Variants in DAP3 observed in about 807,000 individuals in gnomAD.
DAP3 encodes small ribosomal subunit protein mS29.
A neutral mutation model predicts 51.9 loss-of-function variants in DAP3; 28 were observed. That is an observed-to-expected ratio of 0.54 (90% CI 0.40 to 0.74). The LOEUF (loss-of-function observed/expected upper bound fraction) is 0.74. Among genes scored for constraint, DAP3 ranks in the 30% least tolerant of loss-of-function variants. The probability of loss-of-function intolerance (pLI) is 0.00; values close to 1 mark genes in which losing one functional copy is unlikely to be tolerated. For missense variants in DAP3, 458 were observed against 483.5 expected, an observed-to-expected ratio of 0.95 and a Z score of 0.49; for synonymous variants, 170 against 170.3, an observed-to-expected ratio of 1.00 and a Z score of 0.01.
At chr1:155,716,114 A>G (rs1271281976) in intron 2 of DAP3, among the ~76,000 whole-genome samples, 1 of 152,224 alleles carries the variant, frequency 6.6e-6, no homozygotes, top group African/African-American at 2.4e-5. Context: ...TGGCTATGCT[A>G]TGTATGCTCC....
In DAP3 at chr1:155,717,147, T is replaced by C. The variant is rs766962516; in HGVS notation, c.168+19T>C. ...TGACCCGGTGAGTTACTAATATGTA[T>C]ATGGGGTTTCTCAGGGCTTATGATT... On this transcript the variant is annotated intron_variant, in intron 3 of 12. Coordinates refer to ENST00000368336, the MANE Select transcript of DAP3 (RefSeq NM_004632.4). 3 of 1,607,966 alleles carry C rather than the reference T, an allele frequency of 1.9e-6. No individual in the cohort carries two copies. The highest frequency in any genetic ancestry group is 2.5e-6 in the Non-Finnish European group (3 of 1,177,678).
chr1:155,724,344 A>G (rs2149181148), intron 4 of DAP3, among the ~76,000 whole-genome samples: 1 of 152,284 alleles, frequency 6.6e-6, no homozygotes, highest in East Asian at 1.9e-4. Flanking sequence ...AGTAATAAAA[A>G]TAAATTTTAG....
chr1:155,731,482 A>G (rs1650923196), intron 10 of DAP3, 67 bp downstream of exon 10: 3 of 1,490,802 alleles, frequency 2.0e-6, no homozygotes, highest in Non-Finnish European at 2.8e-6. Flanking sequence ...ATGTTCTACT[A>G]TTTCATTGCT....
At chr1:155,689,398 A>G (rs1653338112) in intron 1 of DAP3, 1 of 484,586 alleles carries the variant, frequency 2.1e-6, no homozygotes, top group Non-Finnish European at 4.1e-6. Context: ...ACCACTGTCC[A>G]TATGCGATGA....
rs1659869868 is a variant in DAP3, at chr1:155,736,973, A to C, written c.1021A>C (p.Ile341Leu). 1 of 1,614,064 alleles carries C rather than the reference A, an allele frequency of 6.2e-7. No homozygotes were observed. Among genetic ancestry groups the C allele is most frequent in the East Asian group, 2.2e-5 (1 of 44,868 alleles). The change falls in exon 12 of 13, where the codon ATT (isoleucine) becomes CTT (leucine). Residue 341 changes from isoleucine (I) to leucine (L), a missense_variant. Transcript: ENST00000368336. ...AGGATTTGATGCCCTGGATCCCTTT[A>C]TTCCCATCCTGGTTTCCAACTATAA... is the stretch of plus-strand genomic sequence containing the variant. ...KEGFDALDPF[I>L]PILVSNYNPK...
At chr1:155,688,297 C>T, upstream of DAP3, 3 of 1,570,586 alleles carry the variant, frequency 1.9e-6, no homozygotes, top group Non-Finnish European at 2.6e-6. Flanking sequence ...GGATCGTTTC[C>T]CCTCGCAAAG....
intron 1 of DAP3, among the ~76,000 whole-genome samples, chr1:155,709,458 CCTGA>C (rs1249274844): frequency 2.6e-5 from 4 of 152,108 alleles, no homozygotes; most frequent in Admixed American, 2.6e-4. Flanking sequence ...CTGTGTCCCG[CCTGA>C]CTTTTTTATT....
intron 7 of DAP3, 100 bp downstream of exon 7, chr1:155,727,838 A>G (rs1658780455): frequency 7.6e-7 from 1 of 1,311,532 alleles, no homozygotes; most frequent in South Asian, 1.9e-5. Context: ...TGGAGTTGGA[A>G]TAACTGTATC....
Position 155,725,494 on chromosome 1 carries a change from T to A in DAP3, c.379+4T>A. 1 of 1,611,476 alleles carries A rather than the reference T, an allele frequency of 6.2e-7. No individual in the cohort carries two copies. Among genetic ancestry groups the A allele is most frequent in the African/African-American group, 1.3e-5 (1 of 74,994 alleles). Reference sequence around the variant, plus strand: ...CCAGCTATACGATATCTTCTGTGTATCCTTTCCTGCCTGCGTGGACCCTCA... The same window carrying A: ...CCAGCTATACGATATCTTCTGTGTAACCTTTCCTGCCTGCGTGGACCCTCA... On this transcript the variant is annotated splice_donor_region_variant and intron_variant, in intron 5 of 12. Coordinates refer to ENST00000368336, the MANE Select transcript of DAP3 (RefSeq NM_004632.4).
At chr1:155,688,193 G>C (rs1301108452), upstream of DAP3, 15 of 1,613,910 alleles carry the variant, frequency 9.3e-6, no homozygotes, top group Admixed American at 1.7e-5. Context: ...CGGCCAGCGG[G>C]TAAGCCGACT....
At position 155,710,183 on chromosome 1, in the gene DAP3, T is replaced by A. The variant is rs182681304; in HGVS notation, c.45+359T>A. The A allele has an allele frequency of 3.9e-3, 683 of 175,500 alleles. 1 individual carries two copies. The highest frequency in any genetic ancestry group is 7.0e-3 in the Non-Finnish European group (588 of 83,774). 10.9% of individuals were successfully genotyped at this position (175,500 alleles called of 1,614,324 possible). ...TTGTACATGAAAAAGACCATTCTGC[T>A]GGTTTACTTCATTTTTTCACATATT... On this transcript the variant is annotated intron_variant, in intron 2 of 12. Transcript: ENST00000368336.
At chr1:155,695,341 A>G (rs1654372414) in intron 1 of DAP3, among the ~76,000 whole-genome samples, 1 of 152,236 alleles carries the variant, frequency 6.6e-6, no homozygotes, top group Non-Finnish European at 1.5e-5. Context: ...GGTTAACACC[A>G]GTTCCTTGAT....
chr1:155,693,120 C>T (rs1350884594), intron 1 of DAP3, among the ~76,000 whole-genome samples: 1 of 141,494 alleles, frequency 7.1e-6, no homozygotes, highest in Non-Finnish European at 1.5e-5. Flanking sequence ...TGAGGGAAAC[C>T]GGTATCTAAA....
intron 4 of DAP3, chr1:155,722,089 CG>C (rs778005135): frequency 8.1e-5 from 14 of 172,338 alleles, no homozygotes; most frequent in Non-Finnish European, 1.8e-4. Flanking sequence ...TGGTTTATTT[CG>C]GGAAATTAGA....
chr1:155,689,711 A>G (rs1653424456), intron 1 of DAP3: 3 of 290,446 alleles, frequency 1.0e-5, no homozygotes. Context: ...GAAGAGATCG[A>G]GACAATCCTG....
chr1:155,709,774 G>A lies in DAP3; in HGVS notation c.-6G>A. ...TCACTTTTTTTTTTTTTGTAACAGT[G>A]CAAGGATGATGCTGAAAGGAATAAC... is the stretch of plus-strand genomic sequence containing the variant. On this transcript the variant is annotated splice_region_variant and 5_prime_UTR_variant, in exon 2 of 13. Transcript: ENST00000368336. 2 of 1,607,746 alleles carry A rather than the reference G, an allele frequency of 1.2e-6. No homozygotes were observed. The highest frequency in any genetic ancestry group is 1.7e-6 in the Non-Finnish European group (2 of 1,178,408).
chr1:155,717,653 G>A (rs1657489330), intron 3 of DAP3, among the ~76,000 whole-genome samples: 1 of 152,178 alleles, frequency 6.6e-6, no homozygotes, highest in Non-Finnish European at 1.5e-5. Context: ...GGTATGGAGA[G>A]TACTAAAGAA....
At chr1:155,689,683 G>A (rs1653416652) in intron 1 of DAP3, 5 of 325,006 alleles carry the variant, frequency 1.5e-5, no homozygotes, top group South Asian at 9.6e-5. Flanking sequence ...GGAGGCCGAG[G>A]CAGGTGGATG....
intron 6 of DAP3, 180 bp downstream of exon 6, chr1:155,726,199 C>T (rs1183225107): frequency 1.4e-5 from 6 of 433,388 alleles, no homozygotes; most frequent in South Asian, 6.7e-5. Flanking sequence ...CCGCAACCTC[C>T]GCCTCCCAGG....
Sources: allele counts gnomAD v4.1 joint callset (sites outside exome capture counted in the v4.1 genomes callset), GRCh38; gene constraint gnomAD v4.1.1; transcripts MANE v1.5; gene names NCBI Gene and HGNC (gene_info 2026-07-23, HGNC 2026-07-21).